The following CCDC152 variants were observed in gnomAD, a reference collection of about 807,000 sequenced individuals.
CCDC152 encodes coiled-coil domain containing 152, also known as coiled-coil domain-containing protein 152.
CCDC152 carries 37 observed loss-of-function variants against 38.1 expected under a neutral mutation model. The ratio of observed to expected loss-of-function variants is 0.97; its 90% CI spans 0.75 to 1.28. The LOEUF (loss-of-function observed/expected upper bound fraction) is 1.28, where lower values mean the gene tolerates loss of function less well. CCDC152 is among the 50% of genes most tolerant of loss of function. CCDC152 has a pLI of 0.00. For synonymous variants in CCDC152, 83 were observed against 87.1 expected (o/e 0.95, Z 0.26); for missense variants, 259 against 292.1 (o/e 0.89, Z 0.83).
chr5:42,759,756 A>C (rs1411528616), intron 2 of CCDC152, among the ~76,000 whole-genome samples: 1 of 152,172 alleles, frequency 6.6e-6, no homozygotes. Context: ...AGTACAGTAC[A>C]ATAAGATAAT....
In CCDC152 at chr5:42,766,877, CTT is replaced by C. The variant is rs916645178; in HGVS notation, c.194-2719_194-2718del. On this transcript the variant is annotated intron_variant, in intron 3 of 8. Transcript: ENST00000361970. ...GTAAGGTGACTACAGTCAATAATAA[CTT>C]AATTGTACATTTTAAAGTAACTTAA... Among the ~76,000 whole-genome samples, 4 of 150,636 alleles carry C rather than the reference CTT, an allele frequency of 2.7e-5. 1 individual carries two copies. Among genetic ancestry groups the C allele is most frequent in the African/African-American group, 7.3e-5 (3 of 41,332 alleles).
At chr5:42,773,808 A>G (rs1304700623) in intron 4 of CCDC152, among the ~76,000 whole-genome samples, 1 of 152,232 alleles carries the variant, frequency 6.6e-6, no homozygotes, top group Admixed American at 6.5e-5. Flanking sequence ...ACAGTGGCCA[A>G]TTAACTGATT....
At chr5:42,776,396 T>C (rs1344279454) in intron 4 of CCDC152, among the ~76,000 whole-genome samples, 1 of 152,136 alleles carries the variant, frequency 6.6e-6, no homozygotes, top group Non-Finnish European at 1.5e-5. Context: ...AGACATAAAA[T>C]TGTTTTATTT....
chr5:42,786,388 G>A (rs899211669), intron 6 of CCDC152, among the ~76,000 whole-genome samples: 1 of 151,790 alleles, frequency 6.6e-6, no homozygotes, highest in African/African-American at 2.4e-5. Context: ...TTTTCCATTT[G>A]CTCTAGATTT....
intron 7 of CCDC152, among the ~76,000 whole-genome samples, chr5:42,798,361 A>T (rs2111606608): frequency 6.6e-6 from 1 of 152,252 alleles, no homozygotes; most frequent in South Asian, 2.1e-4. Flanking sequence ...ATATTCCTGA[A>T]ACTTTGGAAT....
chr5:42,758,312 C>G (rs1164046280), intron 1 of CCDC152, among the ~76,000 whole-genome samples: 1 of 152,136 alleles, frequency 6.6e-6, no homozygotes, highest in Non-Finnish European at 1.5e-5. Context: ...CTTTGAGTAA[C>G]TACATCAGGA....
At chr5:42,791,067 A>G (rs1759993777) in intron 6 of CCDC152, among the ~76,000 whole-genome samples, 1 of 152,152 alleles carries the variant, frequency 6.6e-6, no homozygotes, top group Non-Finnish European at 1.5e-5. Context: ...TGACCTGACC[A>G]TATATTTAGC....
At chr5:42,784,242 C>T (rs1759890033) in intron 6 of CCDC152, among the ~76,000 whole-genome samples, 2 of 152,028 alleles carry the variant, frequency 1.3e-5, no homozygotes, top group African/African-American at 4.8e-5. Context: ...CTCCACATCC[C>T]TGACAACATC....
chr5:42,771,376 C>A (rs1759697203), intron 4 of CCDC152, among the ~76,000 whole-genome samples: 1 of 150,970 alleles, frequency 6.6e-6, no homozygotes, highest in Non-Finnish European at 1.5e-5. Flanking sequence ...AGAAAAAGAA[C>A]AACAAATTAA....
At chr5:42,784,906 T>C (rs1759898797) in intron 6 of CCDC152, among the ~76,000 whole-genome samples, 1 of 151,958 alleles carries the variant, frequency 6.6e-6, no homozygotes. Context: ...TGAACATTAG[T>C]TTGTTGCAGG....
chr5:42,764,239 G>A (rs554229572), intron 3 of CCDC152, among the ~76,000 whole-genome samples: 9 of 152,128 alleles, frequency 5.9e-5, no homozygotes, highest in Admixed American at 3.3e-4. Flanking sequence ...GTGAAACCCC[G>A]TCTCTACTAA....
chr5:42,792,135 C>T (rs1016561439), intron 6 of CCDC152, among the ~76,000 whole-genome samples: 3 of 152,182 alleles, frequency 2.0e-5, no homozygotes, highest in Admixed American at 2.0e-4. Context: ...TCAGAGGCAT[C>T]CATCCACATG....
Position 42,799,679 on chromosome 5 carries a change from A to C in CCDC152, c.663A>C (p.Glu221Asp). 6.5e-7 allele frequency: 1 copy of C among 1,545,998 alleles called. No individual in the cohort carries two copies. The highest frequency in any genetic ancestry group is 1.4e-5 in the African/African-American group (1 of 72,856). The change falls in exon 9 of 9, where the codon GAA becomes GAC. Residue 221 changes from glutamate (E) to aspartate (D), a missense_variant. Transcript: ENST00000361970. ...TTTAGAAACTTCAGCATTTTCAAGA[A>C]GAAAAAAACAAGGAGATTGCAATTC... Reference protein sequence around the residue: ...IYRRKLQHFQEEKNKEIAILR... With the variant: ...IYRRKLQHFQDEKNKEIAILR...
intron 7 of CCDC152, among the ~76,000 whole-genome samples, chr5:42,797,638 C>T (rs1760092231): frequency 6.6e-6 from 1 of 152,160 alleles, no homozygotes; most frequent in African/African-American, 2.4e-5. Context: ...TCTAACGCTT[C>T]ACATTTATTC....
chr5:42,774,259 A>C (rs1225697230), intron 4 of CCDC152, among the ~76,000 whole-genome samples: 2 of 152,194 alleles, frequency 1.3e-5, no homozygotes, highest in African/African-American at 4.8e-5. Context: ...CTAAGAGATT[A>C]AAAATTTCAG....
In CCDC152 at chr5:42,802,395, G is replaced by C. The variant is rs558060758; in HGVS notation, c.*2614G>C. 1 of 152,250 alleles carries C rather than the reference G, an allele frequency of 6.6e-6. No individual in the cohort carries two copies. The highest frequency in any genetic ancestry group is 1.9e-4 in the East Asian group (1 of 5,186). The allele number at this position is 152,250 out of a possible 1,614,324, so 9.4% of individuals were successfully genotyped here. A position where few individuals can be genotyped will look rare whatever the true frequency, so the allele number is the denominator to read the frequency against. On this transcript the variant is annotated 3_prime_UTR_variant, in exon 9 of 9. Coordinates refer to ENST00000361970, the MANE Select transcript of CCDC152 (RefSeq NM_001134848.2). Reference sequence around the variant, plus strand: ...AGTGATATGCTTTTGATGTTTTGAAGGTTTTAAAAGGTTATAAATTCCATT... The same window carrying C: ...AGTGATATGCTTTTGATGTTTTGAACGTTTTAAAAGGTTATAAATTCCATT...
At chr5:42,777,427 A>G (rs913924915) in intron 4 of CCDC152, among the ~76,000 whole-genome samples, 1 of 151,282 alleles carries the variant, frequency 6.6e-6, no homozygotes, top group African/African-American at 2.4e-5. Context: ...GCGCCATCGC[A>G]CTCCAGCCTG....
intron 3 of CCDC152, among the ~76,000 whole-genome samples, chr5:42,765,842 A>T (rs1162321246): frequency 4.6e-5 from 7 of 152,174 alleles, no homozygotes; most frequent in African/African-American, 1.7e-4. Context: ...TCTCCAGGAC[A>T]TTGGTCTGGG....
chr5:42,763,011 C>T (rs1437226743), intron 3 of CCDC152, among the ~76,000 whole-genome samples: 1 of 152,198 alleles, frequency 6.6e-6, no homozygotes, highest in Non-Finnish European at 1.5e-5. Context: ...TGACATTGAA[C>T]ATACCTGGTT....
Sources: gnomAD v4.1 joint callset for allele counts (sites outside exome capture counted in the v4.1 genomes callset) on GRCh38, gnomAD v4.1.1 for gene constraint, MANE v1.5 for transcripts, NCBI Gene and HGNC (gene_info 2026-07-23, HGNC 2026-07-21) for gene names.